DGKB: variants seen among roughly 807,000 people sequenced by gnomAD.
DGKB encodes 90 kDa diacylglycerol kinase.
A neutral mutation model predicts 114.3 loss-of-function variants in DGKB; 67 were observed. That is an observed-to-expected ratio of 0.59 (90% CI 0.48 to 0.72). The LOEUF (loss-of-function observed/expected upper bound fraction) is 0.72, where lower values mean the gene tolerates loss of function less well. Among genes scored for constraint, DGKB ranks in the 30% least tolerant of loss-of-function variants. The pLI is 0.00. For synonymous variants in DGKB, 398 were observed against 323.1 expected, an observed-to-expected ratio of 1.23 and a Z score of -2.49; for missense variants, 907 against 975.2, an observed-to-expected ratio of 0.93 and a Z score of 0.93.
At chr7:14,730,155 T>C (rs1313367284) in intron 5 of DGKB, among the ~76,000 whole-genome samples, 1 of 152,216 alleles carries the variant, frequency 6.6e-6, no homozygotes, top group African/African-American at 2.4e-5. Flanking sequence ...CTATTTTAAT[T>C]ACTATATTAT....
chr7:14,501,224 C>T (rs1054570953), intron 20 of DGKB, among the ~76,000 whole-genome samples: 2 of 151,752 alleles, frequency 1.3e-5, no homozygotes, highest in Admixed American at 6.6e-5. Flanking sequence ...TATTTAAGGG[C>T]CTGCCCAGGA....
intron 1 of DGKB, among the ~76,000 whole-genome samples, chr7:14,925,122 C>T (rs550888052): frequency 2.0e-5 from 3 of 152,186 alleles, no homozygotes; most frequent in South Asian, 2.1e-4. Flanking sequence ...TTTGATTGCC[C>T]AGTAGTATCT....
intron 1 of DGKB, among the ~76,000 whole-genome samples, chr7:14,858,472 G>A (rs1311179616): frequency 6.6e-6 from 1 of 152,134 alleles, no homozygotes; most frequent in East Asian, 1.9e-4. Context: ...AAAAAGCAAT[G>A]AAAGACTTTT....
At chr7:14,166,114 C>T (rs1784576171) in intron 25 of DGKB, among the ~76,000 whole-genome samples, 1 of 152,190 alleles carries the variant, frequency 6.6e-6, no homozygotes, top group Non-Finnish European at 1.5e-5. Context: ...TAACAGATAA[C>T]TTACTTGGAA....
intron 1 of DGKB, among the ~76,000 whole-genome samples, chr7:14,920,254 T>C (rs780422347): frequency 6.6e-6 from 1 of 152,198 alleles, no homozygotes; most frequent in Admixed American, 6.5e-5. Flanking sequence ...GCAAATTACA[T>C]ATCTGATAAT....
chr7:14,240,587 C>T (rs1036709856), intron 23 of DGKB, among the ~76,000 whole-genome samples: 5 of 152,032 alleles, frequency 3.3e-5, no homozygotes, highest in African/African-American at 1.2e-4. Context: ...GTCTCTCTAT[C>T]TCCTCAACCA....
chr7:14,936,698 G>C (rs2128252873), intron 1 of DGKB, among the ~76,000 whole-genome samples: 1 of 152,212 alleles, frequency 6.6e-6, no homozygotes, highest in East Asian at 1.9e-4. Flanking sequence ...CCTTCTTTTG[G>C]CAGCAGACTT....
chr7:14,858,790 T>C (rs1317295763), intron 1 of DGKB, among the ~76,000 whole-genome samples: 2 of 152,118 alleles, frequency 1.3e-5, no homozygotes, highest in Non-Finnish European at 2.9e-5. Context: ...ATCAAGGCAG[T>C]TGATAAAGAC....
intron 2 of DGKB, among the ~76,000 whole-genome samples, chr7:14,790,785 C>T (rs1296154348): frequency 6.6e-6 from 1 of 152,058 alleles, no homozygotes; most frequent in Non-Finnish European, 1.5e-5. Flanking sequence ...TTTGGCCATT[C>T]TAGTTCTTTT....
intron 21 of DGKB, among the ~76,000 whole-genome samples, chr7:14,385,242 T>C (rs374227550): frequency 2.0e-5 from 3 of 152,074 alleles, no homozygotes; most frequent in African/African-American, 7.2e-5. Flanking sequence ...ATGAATTCCA[T>C]GGCCAAAAGT....
chr7:14,566,428 C>A (rs941984037), intron 20 of DGKB, among the ~76,000 whole-genome samples: 3 of 151,840 alleles, frequency 2.0e-5, no homozygotes, highest in African/African-American at 7.3e-5. Context: ...GGGAAGATGG[C>A]CAATTCAATT....
chr7:14,750,197 A>T (rs1355911274), intron 4 of DGKB: 1 of 514,802 alleles, frequency 1.9e-6, no homozygotes, highest in African/African-American at 1.9e-5. Context: ...TTCAATGCAC[A>T]TTATGTTATA....
intron 21 of DGKB, among the ~76,000 whole-genome samples, chr7:14,407,441 C>G (rs1031768976): frequency 3.9e-5 from 6 of 151,982 alleles, no homozygotes. Context: ...GACTGGAGAA[C>G]TTTGCTCCAG....
At chr7:14,502,925 A>G (rs926977127) in intron 20 of DGKB, among the ~76,000 whole-genome samples, 22 of 151,984 alleles carry the variant, frequency 1.4e-4, no homozygotes, top group South Asian at 6.2e-4. Context: ...ACACTTTCCA[A>G]TCTTCCCCTA....
At chr7:14,320,997 T>A (rs1157568640) in intron 23 of DGKB, among the ~76,000 whole-genome samples, 4 of 152,122 alleles carry the variant, frequency 2.6e-5, no homozygotes, top group Non-Finnish European at 5.9e-5. Context: ...CTTTAAAATT[T>A]AAAAATTCAG....
chr7:14,502,787 A>G (rs2078202588), intron 20 of DGKB, among the ~76,000 whole-genome samples: 1 of 152,126 alleles, frequency 6.6e-6, no homozygotes, highest in Non-Finnish European at 1.5e-5. Flanking sequence ...CCCCAACTGC[A>G]AAAGCACTCT....
intron 1 of DGKB, among the ~76,000 whole-genome samples, chr7:14,929,610 A>G (rs1395854890): frequency 1.3e-5 from 2 of 152,026 alleles, no homozygotes; most frequent in African/African-American, 4.8e-5. Flanking sequence ...TTCTTTGTAT[A>G]TTCTGGATAT....
rs538914739 is a variant in DGKB, at chr7:14,831,127, G to T, written c.70+10067C>A. ...TGAAAAAGTAGGGCACAAATAAGATGTATCTGAGAACCTAGTCATAGGGCA... is the reference window on the plus strand; with the variant it reads ...TGAAAAAGTAGGGCACAAATAAGATTTATCTGAGAACCTAGTCATAGGGCA... On this transcript the variant is annotated intron_variant, in intron 2 of 25. Transcript: ENST00000402815. 2.6e-5 allele frequency among the ~76,000 whole-genome samples: 4 copies of T among 152,000 alleles called. No individual in the cohort carries two copies. The South Asian group carries it at 8.3e-4, about 31-fold the overall frequency.
At chr7:14,810,531 T>C (rs894826248) in intron 2 of DGKB, among the ~76,000 whole-genome samples, 1 of 152,212 alleles carries the variant, frequency 6.6e-6, no homozygotes, top group Non-Finnish European at 1.5e-5. Context: ...ATACCCCATA[T>C]ATTAACAGTT....
Sources: allele counts gnomAD v4.1 joint callset (sites outside exome capture counted in the v4.1 genomes callset), GRCh38; gene constraint gnomAD v4.1.1; transcripts MANE v1.5; gene names NCBI Gene and HGNC (gene_info 2026-07-23, HGNC 2026-07-21).